Variants in PIP observed in about 807,000 individuals in gnomAD.
PIP encodes the protein prolactin induced protein.
In PIP, 9 loss-of-function variants were observed where a neutral mutation model predicts 12.8. The ratio of observed to expected loss-of-function variants is 0.70; its 90% CI spans 0.42 to 1.23. The LOEUF (loss-of-function observed/expected upper bound fraction) is 1.23. PIP is among the 50% of genes most tolerant of loss of function. The pLI is 0.00. For synonymous variants in PIP, 60 were observed against 66.1 expected (o/e 0.91, Z 0.45); for missense variants, 172 against 179.5 (o/e 0.96, Z 0.24).
intron 2 of PIP, 147 bp downstream of exon 2, chr7:143,135,446 T>C: frequency 2.2e-6 from 1 of 464,376 alleles, no homozygotes. Flanking sequence ...AGAACAACTG[T>C]GGGAGCTTGG....
intron 1 of PIP, among the ~76,000 whole-genome samples, chr7:143,132,753 C>T (rs755949072): frequency 2.6e-5 from 4 of 152,132 alleles, no homozygotes; most frequent in East Asian, 3.9e-4. Context: ...CTTGCTCTCA[C>T]GTATACTGGG....
intron 1 of PIP, among the ~76,000 whole-genome samples, chr7:143,133,546 T>C (rs1799266188): frequency 6.6e-6 from 1 of 152,048 alleles, no homozygotes; most frequent in Non-Finnish European, 1.5e-5. Flanking sequence ...ATAACTCTCC[T>C]GGCCCCGAAC....
chr7:143,133,527 G>A (rs1465110297), intron 1 of PIP, among the ~76,000 whole-genome samples: 2 of 152,030 alleles, frequency 1.3e-5, no homozygotes, highest in East Asian at 3.9e-4. Flanking sequence ...AGTTTCTAGG[G>A]ACGAGAAAAT....
At chr7:143,139,015 C>A in intron 2 of PIP, 60 bp from the exon 3 acceptor site, 1 of 885,542 alleles carries the variant, frequency 1.1e-6, no homozygotes, top group Non-Finnish European at 1.9e-6. Context: ...CCTATTTTTC[C>A]CTCCCTTACC....
At chr7:143,136,303 G>T (rs1373163848) in intron 2 of PIP, among the ~76,000 whole-genome samples, 1 of 151,964 alleles carries the variant, frequency 6.6e-6, no homozygotes, top group African/African-American at 2.4e-5. Context: ...CTTCTATCAG[G>T]CAGCACAAGT....
chr7:143,132,605 T>A (rs1799255002), intron 1 of PIP, among the ~76,000 whole-genome samples: 1 of 152,128 alleles, frequency 6.6e-6, no homozygotes, highest in Non-Finnish European at 1.5e-5. Flanking sequence ...TGAATTCCAA[T>A]GGCAGCTTAG....
chr7:143,135,968 G>A (rs1000035657), intron 2 of PIP, among the ~76,000 whole-genome samples: 1 of 151,998 alleles, frequency 6.6e-6, no homozygotes, highest in Non-Finnish European at 1.5e-5. Context: ...CATTCAGCAG[G>A]TCTGGGGAGA....
intron 2 of PIP, among the ~76,000 whole-genome samples, chr7:143,137,741 A>C (rs1799324697): frequency 6.6e-6 from 1 of 151,914 alleles, no homozygotes; most frequent in Non-Finnish European, 1.5e-5. Context: ...CTCTACTAAA[A>C]ATACAAAAAT....
chr7:143,133,809 A>C (rs1332414174), intron 1 of PIP, among the ~76,000 whole-genome samples: 1 of 151,790 alleles, frequency 6.6e-6, no homozygotes, highest in Non-Finnish European at 1.5e-5. Flanking sequence ...TGGGTTTTTA[A>C]AATTTTTTAT....
chr7:143,136,270 C>T lies in PIP; in HGVS notation c.201+971C>T, dbSNP rs1251253416. Among the ~76,000 whole-genome samples the T allele has an allele frequency of 2.6e-5, 4 of 152,042 alleles. 1 individual carries two copies. Among genetic ancestry groups the T allele is most frequent in the Non-Finnish European group, 5.9e-5 (4 of 67,970 alleles). ...CATCTCCCATCTCCCCTACTCCCTC[C>T]CCAGACCCTTCATGAAGGACACCTT... is the stretch of plus-strand genomic sequence containing the variant. On this transcript the variant is annotated intron_variant, in intron 2 of 3. Transcript: ENST00000291009.
chr7:143,139,737 T>C lies in PIP; in HGVS notation c.*95T>C. ...GGTCTATAAAATAAACTTCTTAACA[T>C]GCTTCTCCATGTTCTGTTGTATCTC... On this transcript the variant is annotated 3_prime_UTR_variant, in exon 4 of 4. Coordinates refer to ENST00000291009, the MANE Select transcript of PIP (RefSeq NM_002652.3). 2 of 1,198,238 alleles carry C rather than the reference T, an allele frequency of 1.7e-6. No homozygotes were observed. Among genetic ancestry groups the C allele is most frequent in the Non-Finnish European group, 2.4e-6 (2 of 833,914 alleles). 74.2% of individuals were successfully genotyped at this position (1,198,238 alleles called of 1,614,324 possible).
At position 143,139,447 on chromosome 7, in the gene PIP, C is replaced by A. The variant is rs1025894294; in HGVS notation, c.317-71C>A. 7.0e-6 allele frequency: 11 copies of A among 1,572,836 alleles called. No homozygotes were observed. In the African/African-American group the frequency reaches 1.5e-4, roughly 21 times the overall value. On this transcript the variant is annotated intron_variant, in intron 3 of 3. Transcript: ENST00000291009. ...AAACTGAACCCCAGGGGGCAGATGC[C>A]TGATATGAGTAGAAAAGACAGGACA...
intron 1 of PIP, among the ~76,000 whole-genome samples, chr7:143,134,325 T>C (rs1314045487): frequency 2.0e-5 from 3 of 149,956 alleles, no homozygotes; most frequent in African/African-American, 7.4e-5. Flanking sequence ...TAAACATGTG[T>C]GTGCAAGTAT....
At chr7:143,135,377 T>A in intron 2 of PIP, 78 bp downstream of exon 2, 1 of 699,212 alleles carries the variant, frequency 1.4e-6, no homozygotes. Flanking sequence ...TCTCTCACTT[T>A]AATAATGTAC....
chr7:143,139,391 T>C (rs371657222), intron 3 of PIP, 127 bp from the exon 4 acceptor site: 3 of 1,243,078 alleles, frequency 2.4e-6, no homozygotes, highest in Non-Finnish European at 3.4e-6. Context: ...AAAAAGTTGA[T>C]ACAGGAGACA....
At chr7:143,133,294 T>A (rs768256527) in intron 1 of PIP, among the ~76,000 whole-genome samples, 2 of 152,068 alleles carry the variant, frequency 1.3e-5, no homozygotes, top group Non-Finnish European at 2.9e-5. Flanking sequence ...CGAACTAAGC[T>A]GGTCATCCTA....
At chr7:143,138,425 C>A (rs1369785179) in intron 2 of PIP, among the ~76,000 whole-genome samples, 1 of 152,118 alleles carries the variant, frequency 6.6e-6, no homozygotes, top group Admixed American at 6.6e-5. Context: ...GGACAAAATC[C>A]TCTGACTCCA....
At chr7:143,139,253 A>T in intron 3 of PIP, 64 bp downstream of exon 3, 1 of 990,116 alleles carries the variant, frequency 1.0e-6, no homozygotes. Flanking sequence ...GAAACTATAA[A>T]CAGAAACATG....
At chr7:143,134,927 C>A (rs1799290391) in intron 1 of PIP, among the ~76,000 whole-genome samples, 2 of 152,136 alleles carry the variant, frequency 1.3e-5, no homozygotes, top group Non-Finnish European at 2.9e-5. Flanking sequence ...AGTGGGATTG[C>A]TGGATCAAAT....
Sources: allele counts gnomAD v4.1 joint callset (sites outside exome capture counted in the v4.1 genomes callset), GRCh38; gene constraint gnomAD v4.1.1; transcripts MANE v1.5; gene names NCBI Gene and HGNC (gene_info 2026-07-23, HGNC 2026-07-21).